The following JAM3 variants were observed in gnomAD, a reference collection of about 807,000 sequenced individuals.
The protein encoded by JAM3 is junctional adhesion molecule C.
Under a neutral mutation model 39.4 loss-of-function variants are expected in JAM3, and 31 were observed. The ratio of observed to expected loss-of-function variants is 0.79; its 90% CI spans 0.59 to 1.06. The LOEUF (loss-of-function observed/expected upper bound fraction) is 1.06, where lower values mean the gene tolerates loss of function less well. JAM3 is among the 50% of genes least tolerant of loss of function. The pLI, the probability that JAM3 is intolerant of heterozygous loss-of-function variation, is 0.00. For missense variants in JAM3, 455 were observed against 391.4 expected, an observed-to-expected ratio of 1.16 and a Z score of -1.37; for synonymous variants, 182 against 148.7, an observed-to-expected ratio of 1.22 and a Z score of -1.63.
At chr11:134,126,901 T>C (rs1440282458) in intron 1 of JAM3, among the ~76,000 whole-genome samples, 1 of 152,262 alleles carries the variant, frequency 6.6e-6, no homozygotes, top group African/African-American at 2.4e-5. Context: ...TCTCTGTCAT[T>C]GTGACAGATA....
At chr11:134,102,051 C>A (rs958169549) in intron 1 of JAM3, among the ~76,000 whole-genome samples, 1 of 152,120 alleles carries the variant, frequency 6.6e-6, no homozygotes, top group Non-Finnish European at 1.5e-5. Context: ...GAGACCCTGT[C>A]TGTAAAAATT....
chr11:134,131,873 G>A (rs1219511288), intron 1 of JAM3, among the ~76,000 whole-genome samples: 1 of 152,126 alleles, frequency 6.6e-6, no homozygotes, highest in East Asian at 1.9e-4. Context: ...TAGAAGTTAG[G>A]ACGATTAATT....
Position 134,147,581 on chromosome 11 carries a change from G to A in JAM3, c.713-966G>A, listed in dbSNP as rs540495409. 4.6e-5 allele frequency among the ~76,000 whole-genome samples: 7 copies of A among 151,686 alleles called. No homozygotes were observed. In the South Asian group the frequency reaches 1.0e-3, roughly 23 times the overall value. On this transcript the variant is annotated intron_variant, in intron 6 of 8. Coordinates refer to ENST00000299106, the MANE Select transcript of JAM3 (RefSeq NM_032801.5). Reference sequence around the variant, plus strand: ...GGCTCACTGCAAGCTCCGCCTCCCGGGTTCACACCTTTCTCCTGCCTCAGC... The same window carrying A: ...GGCTCACTGCAAGCTCCGCCTCCCGAGTTCACACCTTTCTCCTGCCTCAGC...
intron 1 of JAM3, among the ~76,000 whole-genome samples, chr11:134,092,651 T>C (rs879220410): frequency 1.4e-4 from 16 of 114,694 alleles, no homozygotes; most frequent in East Asian, 3.0e-4. Context: ...TCATGTTCCA[T>C]CTTACATGTC....
chr11:134,132,444 A>T (rs943144905), intron 1 of JAM3, among the ~76,000 whole-genome samples: 1 of 152,238 alleles, frequency 6.6e-6, no homozygotes, highest in African/African-American at 2.4e-5. Flanking sequence ...GCAGGTTGAA[A>T]TGAAAGAATA....
intron 1 of JAM3, chr11:134,123,940 T>G (rs762596615): frequency 7.6e-5 from 110 of 1,448,356 alleles, no homozygotes; most frequent in Non-Finnish European, 9.9e-5. Flanking sequence ...TTTTGTGTTA[T>G]AAACTGAACT....
chr11:134,147,196 A>G (rs890328396), intron 6 of JAM3, among the ~76,000 whole-genome samples: 2 of 152,010 alleles, frequency 1.3e-5, no homozygotes, highest in African/African-American at 4.8e-5. Context: ...GGCTCACACT[A>G]TAATCCTAGC....
At chr11:134,111,842 A>G (rs1942317853) in intron 1 of JAM3, among the ~76,000 whole-genome samples, 1 of 152,228 alleles carries the variant, frequency 6.6e-6, no homozygotes, top group Non-Finnish European at 1.5e-5. Flanking sequence ...CTGTAGATCC[A>G]TAAATTAATA....
At position 134,090,608 on chromosome 11, in the gene JAM3, C is replaced by G. The variant is rs567575131; in HGVS notation, c.76+21449C>G. 4.6e-5 allele frequency among the ~76,000 whole-genome samples: 7 copies of G among 152,122 alleles called. No homozygotes were observed. In the East Asian group the frequency reaches 1.2e-3, roughly 25 times the overall value. On this transcript the variant is annotated intron_variant, in intron 1 of 8. Coordinates refer to ENST00000299106, the MANE Select transcript of JAM3 (RefSeq NM_032801.5). ...GTGCTTTAAAGTTAGGGTTAGTAGCCTGAACATCTGGATCCTGGAGTGCTT... is the reference window on the plus strand; with the variant it reads ...GTGCTTTAAAGTTAGGGTTAGTAGCGTGAACATCTGGATCCTGGAGTGCTT...
intron 1 of JAM3, among the ~76,000 whole-genome samples, chr11:134,113,568 A>T (rs920190401): frequency 5.3e-5 from 8 of 152,230 alleles, no homozygotes; most frequent in Non-Finnish European, 1.2e-4. Context: ...TATATGTGCC[A>T]CATTTTCTTA....
chr11:134,139,666 A>G (rs1942938852), intron 1 of JAM3, 185 bp from the exon 2 acceptor site: 2 of 626,992 alleles, frequency 3.2e-6, no homozygotes, highest in Non-Finnish European at 5.8e-6. Context: ...CCTTCCAGTG[A>G]AGGTCAGATT....
chr11:134,148,561 G>C lies in JAM3; in HGVS notation c.727G>C (p.Gly243Arg). ...QEMEVYDLNI[G>R]GIIGGVLVVL... Reference sequence around the variant, plus strand: ...CTTTTCTTCAGATGACCTGAACATTGGCGGAATTATTGGGGGGGTTCTGGT... The same window carrying C: ...CTTTTCTTCAGATGACCTGAACATTCGCGGAATTATTGGGGGGGTTCTGGT... The change falls in exon 7 of 9, where the codon GGC becomes CGC. Residue 243 changes from glycine (G) to arginine (R), a missense_variant. Coordinates refer to ENST00000299106, the MANE Select transcript of JAM3 (RefSeq NM_032801.5). The C allele has an allele frequency of 6.2e-7, 1 of 1,614,172 alleles. No homozygotes were observed. The highest frequency in any genetic ancestry group is 8.5e-7 in the Non-Finnish European group (1 of 1,180,030).
chr11:134,089,349 T>A (rs936528613), intron 1 of JAM3, among the ~76,000 whole-genome samples: 7 of 152,282 alleles, frequency 4.6e-5, no homozygotes, highest in African/African-American at 1.4e-4. Flanking sequence ...TTAGGGTACA[T>A]GTGCACAGCA....
At chr11:134,117,684 A>G (rs1027040115) in intron 1 of JAM3, among the ~76,000 whole-genome samples, 1 of 152,204 alleles carries the variant, frequency 6.6e-6, no homozygotes, top group Non-Finnish European at 1.5e-5. Flanking sequence ...TGACAGTGGG[A>G]TATGACAGTG....
chr11:134,140,885 G>GTTT, intron 3 of JAM3, 115 bp downstream of exon 3: 55 of 995,452 alleles, frequency 5.5e-5, no homozygotes, highest in Admixed American at 1.0e-4. Context: ...AGCTAGGACC[G>GTTT]TTTTTTTTTT....
chr11:134,075,520 C>G, intron 1 of JAM3, among the ~76,000 whole-genome samples: 1 of 150,906 alleles, frequency 6.6e-6, no homozygotes, highest in Admixed American at 6.6e-5. Context: ...GCTTCTATGA[C>G]AGAATACCAC....
In JAM3 at chr11:134,148,674, A is replaced by C. The variant is rs1321358465; in HGVS notation, c.840A>C (p.Glu280Asp). The change falls in exon 7 of 9, where the codon GAA becomes GAC. Residue 280 changes from glutamate to aspartate, a missense_variant and splice_region_variant. Glu to Asp is a conservative substitution (Grantham distance 45, BLOSUM62 2). Coordinates refer to ENST00000299106, the MANE Select transcript of JAM3 (RefSeq NM_032801.5). The part of the protein sequence containing the change: ...GYFINNKQDG[E>D]SYKNPGKPDG... ...TCATCAACAATAAACAGGATGGAGA[A>C]AGGTGAGCCTGCCTTATGTGAAAAA... is the stretch of plus-strand genomic sequence containing the variant. 6.2e-7 allele frequency: 1 copy of C among 1,614,072 alleles called. No homozygotes were observed. The highest frequency in any genetic ancestry group is 8.5e-7 in the Non-Finnish European group (1 of 1,180,042).
intron 1 of JAM3, among the ~76,000 whole-genome samples, chr11:134,113,510 A>G (rs1942359234): frequency 6.6e-6 from 1 of 152,196 alleles, no homozygotes; most frequent in Admixed American, 6.5e-5. Flanking sequence ...TATCCCAACA[A>G]AGGACATGAA....
intron 1 of JAM3, among the ~76,000 whole-genome samples, chr11:134,091,077 A>G (rs1177001702): frequency 6.6e-6 from 1 of 152,152 alleles, no homozygotes; most frequent in African/African-American, 2.4e-5. Flanking sequence ...TGTCAGTGGT[A>G]TTTTCCATTT....
Sources: allele counts gnomAD v4.1 joint callset (sites outside exome capture counted in the v4.1 genomes callset), GRCh38; gene constraint gnomAD v4.1.1; transcripts MANE v1.5; gene names NCBI Gene and HGNC (gene_info 2026-07-23, HGNC 2026-07-21).